Variants in PTPRB observed in about 807,000 individuals in gnomAD.
PTPRB encodes receptor-type tyrosine-protein phosphatase beta.
A neutral mutation model predicts 238.1 loss-of-function variants in PTPRB; 97 were observed. That is an observed-to-expected ratio of 0.41 (90% CI 0.35 to 0.48). The LOEUF (loss-of-function observed/expected upper bound fraction) is 0.48, where lower values mean the gene tolerates loss of function less well. Among genes scored for constraint, PTPRB ranks in the 20% least tolerant of loss-of-function variants. PTPRB has a pLI of 0.30. For missense variants in PTPRB, 2,292 were observed against 2,681.9 expected (o/e 0.85, Z 3.21); for synonymous variants, 970 against 995.4 (o/e 0.97, Z 0.48).
Position 70,528,496 on chromosome 12 carries a change from A to T in PTPRB, c.6504+3539T>A, listed in dbSNP as rs79878756. On this transcript the variant is annotated intron_variant, in intron 32 of 33. Transcript: ENST00000334414. ...GGGCTAATGAGAGTTGATCAAGGGC[A>T]GTGGCAGTGGGATGAGGGGCTAGCT... 4.8e-3 allele frequency among the ~76,000 whole-genome samples: 526 copies of T among 109,602 alleles called. 2 individuals are homozygous for T. The highest frequency in any genetic ancestry group is 0.019 in the African/African-American group (493 of 26,642). The allele number at this position is 109,602 out of a possible 152,430, so 71.9% of individuals were successfully genotyped here.
At chr12:70,623,755 C>T (rs995197991) in intron 2 of PTPRB, among the ~76,000 whole-genome samples, 3 of 152,094 alleles carry the variant, frequency 2.0e-5, no homozygotes, top group African/African-American at 7.2e-5. Context: ...GTTATTTATT[C>T]AAACAACTGT....
chr12:70,580,951 T>C, intron 10 of PTPRB, 85 bp downstream of exon 10: 2 of 1,439,554 alleles, frequency 1.4e-6, no homozygotes, highest in East Asian at 4.7e-5. Flanking sequence ...GAGTCTGATT[T>C]TAGGATATTT....
chr12:70,620,870 G>C (rs1884898983), intron 3 of PTPRB, among the ~76,000 whole-genome samples: 1 of 152,178 alleles, frequency 6.6e-6, no homozygotes, highest in South Asian at 2.1e-4. Context: ...GAAGAGGGTG[G>C]ATAAAGAGAA....
At chr12:70,608,412 A>G (rs1026103977) in intron 4 of PTPRB, among the ~76,000 whole-genome samples, 1 of 152,198 alleles carries the variant, frequency 6.6e-6, no homozygotes, top group African/African-American at 2.4e-5. Flanking sequence ...TTTTACAGAT[A>G]AGAAAACTGA....
At chr12:70,535,395 C>T (rs1204731972) in intron 29 of PTPRB, among the ~76,000 whole-genome samples, 5 of 151,970 alleles carry the variant, frequency 3.3e-5, no homozygotes, top group Admixed American at 2.6e-4. Flanking sequence ...ACTGTCCTAA[C>T]GTGGGCCGTG....
rs189725333 is a variant in PTPRB, at chr12:70,565,224, A to G, written c.3904+1211T>C. ...TTTTTAAAGATACATCTTTTATTAC[A>G]AAACAATTACTCTCTGGCTAAAAGT... On this transcript the variant is annotated intron_variant, in intron 15 of 33. Coordinates refer to ENST00000334414, the MANE Select transcript of PTPRB (RefSeq NM_001109754.4). Among the ~76,000 whole-genome samples, 800 of 152,310 alleles carry G rather than the reference A, an allele frequency of 5.3e-3. 4 individuals carry two copies. Among genetic ancestry groups the G allele is most frequent in the Non-Finnish European group, 8.0e-3 (541 of 68,036 alleles).
At position 70,518,779 on chromosome 12, in the gene PTPRB, G is replaced by T. The variant is rs921892746; in HGVS notation, c.*2710C>A. The T allele has an allele frequency of 6.6e-6, 1 of 151,802 alleles. No individual in the cohort carries two copies. The highest frequency in any genetic ancestry group is 6.6e-5 in the Admixed American group (1 of 15,222). 9.4% of individuals were successfully genotyped at this position (151,802 alleles called of 1,614,324 possible). ...TGAGGTTAAAGGAGTTAATTATAAC[G>T]AACTTGGAAAAATAATTATTAAGAT... is the stretch of plus-strand genomic sequence containing the variant. On this transcript the variant is annotated 3_prime_UTR_variant, in exon 34 of 34. Coordinates refer to ENST00000334414, the MANE Select transcript of PTPRB (RefSeq NM_001109754.4).
intron 32 of PTPRB, among the ~76,000 whole-genome samples, chr12:70,524,849 ATG>A (rs1341107903): frequency 7.5e-6 from 1 of 133,498 alleles, no homozygotes; most frequent in Non-Finnish European, 1.5e-5. Context: ...GTGTGTATAT[ATG>A]TGTGTATATG....
intron 3 of PTPRB, among the ~76,000 whole-genome samples, chr12:70,611,384 G>T (rs1008331467): frequency 5.3e-5 from 8 of 152,202 alleles, no homozygotes; most frequent in African/African-American, 1.9e-4. Context: ...TGCCTCCCGG[G>T]TTCAAGCAAT....
At chr12:70,623,471 T>C (rs1885036875) in intron 2 of PTPRB, among the ~76,000 whole-genome samples, 2 of 152,198 alleles carry the variant, frequency 1.3e-5, no homozygotes, top group African/African-American at 2.4e-5. Context: ...GAGCCAGCCT[T>C]TTTAACAAGC....
In PTPRB at chr12:70,520,793, A is replaced by T. The variant is rs2136188563; in HGVS notation, c.*696T>A. 1 of 152,702 alleles carries T rather than the reference A, an allele frequency of 6.5e-6. No individual in the cohort carries two copies. Among genetic ancestry groups the T allele is most frequent in the East Asian group, 1.9e-4 (1 of 5,204 alleles). The allele number at this position is 152,702 out of a possible 1,614,324, so 9.5% of individuals were successfully genotyped here. A position where few individuals can be genotyped will look rare whatever the true frequency, so the allele number is the denominator to read the frequency against. ...GGAATCATTCTCTATCAGAACCCTC[A>T]ACCCTGCATCCTACCATCCTGGGCT... On this transcript the variant is annotated 3_prime_UTR_variant, in exon 34 of 34. Transcript: ENST00000334414.
At chr12:70,559,030 T>C in intron 18 of PTPRB, 1 of 483,454 alleles carries the variant, frequency 2.1e-6, no homozygotes. Flanking sequence ...AGTTCTCTTG[T>C]ATTGGGTCAG....
intron 9 of PTPRB, among the ~76,000 whole-genome samples, chr12:70,582,159 A>G (rs1467402558): frequency 6.6e-6 from 1 of 152,134 alleles, no homozygotes; most frequent in Non-Finnish European, 1.5e-5. Context: ...CTTGGTCAAC[A>G]TACATTCTTC....
chr12:70,573,505 CTTT>C (rs937307862), intron 11 of PTPRB, among the ~76,000 whole-genome samples: 6 of 90,822 alleles, frequency 6.6e-5, no homozygotes, highest in African/African-American at 2.0e-4. Flanking sequence ...CTTTTCTTTT[CTTT>C]TTTTTTTTTT....
At chr12:70,581,559 A>G (rs1308506808) in intron 9 of PTPRB, among the ~76,000 whole-genome samples, 1 of 152,144 alleles carries the variant, frequency 6.6e-6, no homozygotes, top group East Asian at 1.9e-4. Context: ...CATGCTTATT[A>G]AGTGGTTTTG....
At chr12:70,557,981 G>T (rs923564727) in intron 18 of PTPRB, among the ~76,000 whole-genome samples, 3 of 152,182 alleles carry the variant, frequency 2.0e-5, no homozygotes, top group African/African-American at 7.2e-5. Flanking sequence ...TGTTGTCAGG[G>T]TTGAAGATAG....
chr12:70,568,655 A>G (rs1356128343), intron 14 of PTPRB, among the ~76,000 whole-genome samples: 1 of 152,170 alleles, frequency 6.6e-6, no homozygotes, highest in African/African-American at 2.4e-5. Flanking sequence ...AGATATAGAT[A>G]TAAATATAGA....
chr12:70,563,368 T>C (rs1212298907), intron 15 of PTPRB, among the ~76,000 whole-genome samples: 2 of 152,234 alleles, frequency 1.3e-5, no homozygotes, highest in Non-Finnish European at 2.9e-5. Flanking sequence ...GCACAGATGC[T>C]GCCTGATTCC....
At chr12:70,522,778 A>T (rs1871791396) in intron 33 of PTPRB, 1 of 151,188 alleles carries the variant, frequency 6.6e-6, no homozygotes, top group South Asian at 2.1e-4. Context: ...CTTTTTCCTT[A>T]TGCGTTGTTT....
Sources: gnomAD v4.1 joint callset for allele counts (sites outside exome capture counted in the v4.1 genomes callset) on GRCh38, gnomAD v4.1.1 for gene constraint, MANE v1.5 for transcripts, NCBI Gene and HGNC (gene_info 2026-07-23, HGNC 2026-07-21) for gene names.